NRIP1: variants seen among roughly 807,000 people sequenced by gnomAD.
NRIP1 encodes the protein nuclear receptor-interacting protein 1.
Under a neutral mutation model 75.0 loss-of-function variants are expected in NRIP1, and 28 were observed. That is an observed-to-expected ratio of 0.37 (90% CI 0.28 to 0.51). The LOEUF (loss-of-function observed/expected upper bound fraction) is 0.51, where lower values mean the gene tolerates loss of function less well. NRIP1 is among the 20% of genes least tolerant of loss of function. The probability of loss-of-function intolerance (pLI) is 0.92; values close to 1 mark genes in which losing one functional copy is unlikely to be tolerated. For missense variants in NRIP1, 1,435 were observed against 1,343.7 expected (o/e 1.07, Z -1.06); for synonymous variants, 526 against 487.6 (o/e 1.08, Z -1.04).
At chr21:14,975,184 T>A (rs140303562) in intron 3 of NRIP1, among the ~76,000 whole-genome samples, 45 of 152,070 alleles carry the variant, frequency 3.0e-4, no homozygotes, top group Non-Finnish European at 5.3e-4. Context: ...AAGACAACAG[T>A]CAGTGGTATT....
At chr21:14,979,838 G>T (rs540907675) in intron 3 of NRIP1, among the ~76,000 whole-genome samples, 1 of 152,094 alleles carries the variant, frequency 6.6e-6, no homozygotes, top group African/African-American at 2.4e-5. Flanking sequence ...TTATGTGTTT[G>T]TGTGCCTGTA....
intron 1 of NRIP1, among the ~76,000 whole-genome samples, chr21:15,057,353 C>T (rs1333450770): frequency 2.0e-5 from 3 of 152,196 alleles, no homozygotes; most frequent in Non-Finnish European, 2.9e-5. Context: ...AACATAGTTG[C>T]TTTCACTGCC....
intron 1 of NRIP1, among the ~76,000 whole-genome samples, chr21:15,045,062 T>A (rs1210525142): frequency 6.6e-6 from 1 of 152,180 alleles, no homozygotes; most frequent in African/African-American, 2.4e-5. Context: ...ATGCACATTC[T>A]CTCTCTCATC....
chr21:14,971,135 C>T (rs1041630817), intron 3 of NRIP1, among the ~76,000 whole-genome samples: 6 of 152,104 alleles, frequency 3.9e-5, no homozygotes, highest in African/African-American at 7.2e-5. Context: ...ACTTCAAGAA[C>T]GAAAATGACA....
chr21:15,026,384 A>G (rs540423748), intron 2 of NRIP1, among the ~76,000 whole-genome samples: 1 of 152,312 alleles, frequency 6.6e-6, no homozygotes, highest in South Asian at 2.1e-4. Context: ...AAGTCTGACA[A>G]TTCTTAGATC....
At position 14,966,373 on chromosome 21, in the gene NRIP1, T is replaced by A; in HGVS notation, c.1820A>T (p.Asp607Val). Reference sequence around the variant, plus strand: ...TTGGGCTGGTTTCTCTCCTGGTGGGTCTTTGCTTTTTGTAAGGTCCATTGA... The same window carrying A: ...TTGGGCTGGTTTCTCTCCTGGTGGGACTTTGCTTTTTGTAAGGTCCATTGA... ...NHSMDLTKSK[D>V]PPGEKPAQNE... is the part of the protein sequence containing the mutation. The change falls in exon 4 of 4, where the codon GAC (aspartate) becomes GTC (valine). Residue 607 changes from aspartate to valine, a missense_variant. Coordinates refer to ENST00000318948, the MANE Select transcript of NRIP1 (RefSeq NM_003489.4). 2 of 1,614,012 alleles carry A rather than the reference T, an allele frequency of 1.2e-6. No individual in the cohort carries two copies. The highest frequency in any genetic ancestry group is 1.7e-6 in the Non-Finnish European group (2 of 1,179,946).
intron 3 of NRIP1, among the ~76,000 whole-genome samples, chr21:15,007,912 T>A (rs1030946103): frequency 6.6e-6 from 1 of 152,188 alleles, no homozygotes; most frequent in African/African-American, 2.4e-5. Context: ...TTGCATGACA[T>A]CATCACACAA....
intron 3 of NRIP1, among the ~76,000 whole-genome samples, chr21:14,970,189 G>A (rs539948026): frequency 1.3e-5 from 2 of 152,132 alleles, no homozygotes; most frequent in South Asian, 2.1e-4. Flanking sequence ...TAAAACATAC[G>A]GGTACATTTT....
At chr21:15,038,162 C>T (rs1447569836) in intron 2 of NRIP1, among the ~76,000 whole-genome samples, 2 of 152,102 alleles carry the variant, frequency 1.3e-5, no homozygotes, top group Admixed American at 6.5e-5. Context: ...CATTTATCAT[C>T]TCATATTTAT....
intron 3 of NRIP1, among the ~76,000 whole-genome samples, chr21:14,988,462 C>T (rs375596373): frequency 7.6e-5 from 11 of 144,564 alleles, no homozygotes; most frequent in East Asian, 5.5e-4. Context: ...GATAGACAGA[C>T]AGATAGATAG....
chr21:14,965,270 C>G lies in NRIP1; in HGVS notation c.2923G>C (p.Glu975Gln), dbSNP rs747745116. The part of the protein sequence containing the change: ...HKNNVTNSKP[E>Q]FSISSLNGLM... ...CCATTTAAAGAAGAAATGCTAAATT[C>G]AGGTTTGCTGTTGGTCACATTATTT... is the stretch of plus-strand genomic sequence containing the variant. Residue 975 changes from glutamate to glutamine, a missense_variant, in exon 4 of 4, where the codon GAA becomes CAA. Coordinates refer to ENST00000318948, the MANE Select transcript of NRIP1 (RefSeq NM_003489.4). 6.2e-7 allele frequency: 1 copy of G among 1,613,992 alleles called. No individual in the cohort carries two copies. Among genetic ancestry groups the G allele is most frequent in the Non-Finnish European group, 8.5e-7 (1 of 1,179,936 alleles).
chr21:15,016,453 G>A (rs963305413), intron 2 of NRIP1, among the ~76,000 whole-genome samples: 5 of 152,042 alleles, frequency 3.3e-5, no homozygotes, highest in East Asian at 3.9e-4. Context: ...CCATCTTCCC[G>A]TTATCAACAT....
intron 3 of NRIP1, among the ~76,000 whole-genome samples, chr21:14,971,264 A>G (rs928453198): frequency 2.0e-5 from 3 of 152,210 alleles, no homozygotes; most frequent in Admixed American, 2.0e-4. Flanking sequence ...TTCAATGACC[A>G]AATTCCCAGT....
At chr21:15,063,238 G>T (rs1386535189) in intron 1 of NRIP1, among the ~76,000 whole-genome samples, 1 of 152,172 alleles carries the variant, frequency 6.6e-6, no homozygotes, top group Non-Finnish European at 1.5e-5. Flanking sequence ...AGGTGATGAA[G>T]CCAGTGCTCC....
chr21:15,062,490 G>A (rs1467999881), intron 1 of NRIP1, among the ~76,000 whole-genome samples: 3 of 152,160 alleles, frequency 2.0e-5, no homozygotes, highest in Admixed American at 1.3e-4. Context: ...CTGCCTTGGC[G>A]CACAAACTGA....
Position 14,965,127 on chromosome 21 carries a change from C to G in NRIP1, c.3066G>C (p.Gly1022=), listed in dbSNP as rs28707654. ...TCAAAAGCCCAGATTCTGGTCTAGA[C>G]CCTGCACAGCCCAAGTGCTCAGGGA... ...PTFPEHLGCA[G]SRPESGLLNG... is the part of the protein sequence containing the mutation. Residue 1022 remains glycine, a synonymous_variant, in exon 4 of 4, where the codon GGG becomes GGC. Transcript: ENST00000318948. 4 of 1,612,844 alleles carry G rather than the reference C, an allele frequency of 2.5e-6. No individual in the cohort carries two copies. In the African/African-American group the frequency reaches 5.3e-5, roughly 22 times the overall value.
At chr21:15,038,136 G>A (rs916793364) in intron 2 of NRIP1, among the ~76,000 whole-genome samples, 3 of 151,964 alleles carry the variant, frequency 2.0e-5, no homozygotes, top group Admixed American at 2.0e-4. Flanking sequence ...CAGACTTTCA[G>A]GAAAGACTTT....
chr21:15,046,237 T>G (rs1366252884), intron 1 of NRIP1, among the ~76,000 whole-genome samples: 2 of 152,230 alleles, frequency 1.3e-5, no homozygotes, highest in African/African-American at 4.8e-5. Context: ...TCTTCAATAG[T>G]AAGACTTGAA....
intron 2 of NRIP1, among the ~76,000 whole-genome samples, chr21:15,040,861 T>C (rs1055001023): frequency 2.6e-5 from 4 of 151,922 alleles, no homozygotes; most frequent in African/African-American, 9.7e-5. Flanking sequence ...CAAAGAAAAA[T>C]AAGTCTCTCT....
Sources: allele counts gnomAD v4.1 joint callset (sites outside exome capture counted in the v4.1 genomes callset), GRCh38; gene constraint gnomAD v4.1.1; transcripts MANE v1.5; gene names NCBI Gene and HGNC (gene_info 2026-07-23, HGNC 2026-07-21).